CAPS2: variants seen among roughly 807,000 people sequenced by gnomAD.
The protein encoded by CAPS2 is calcyphosine 2, also known as calcyphosin-2.
In CAPS2, 98 loss-of-function variants were observed where a neutral mutation model predicts 86.5. The ratio of observed to expected loss-of-function variants is 1.13; its 90% CI spans 0.96 to 1.34. The LOEUF (loss-of-function observed/expected upper bound fraction) is 1.34, where lower values mean the gene tolerates loss of function less well. CAPS2 is among the 40% of genes most tolerant of loss of function. The pLI, the probability that CAPS2 is intolerant of heterozygous loss-of-function variation, is 0.00. For missense variants in CAPS2, 729 were observed against 686.8 expected (o/e 1.06, Z -0.69); for synonymous variants, 210 against 225.1 (o/e 0.93, Z 0.60).
chr12:75,330,105 T>C, upstream of CAPS2: 1 of 379,878 alleles, frequency 2.6e-6, no homozygotes, highest in Non-Finnish European at 4.7e-6. Flanking sequence ...CTGATTACAC[T>C]CTGACCTCCA....
intron 1 of CAPS2, among the ~76,000 whole-genome samples, chr12:75,353,434 G>A (rs1438069985): frequency 6.6e-6 from 1 of 152,132 alleles, no homozygotes; most frequent in East Asian, 1.9e-4. Flanking sequence ...GCCCTCCCAA[G>A]ACTGAACCAG....
chr12:75,294,292 A>G (rs922572464), intron 11 of CAPS2, among the ~76,000 whole-genome samples: 14 of 152,170 alleles, frequency 9.2e-5, no homozygotes, highest in African/African-American at 3.4e-4. Context: ...GTTGAATATA[A>G]AGGAAGGATG....
intron 1 of CAPS2, among the ~76,000 whole-genome samples, chr12:75,349,154 A>G (rs1593727094): frequency 6.6e-6 from 1 of 152,316 alleles, no homozygotes; most frequent in East Asian, 1.9e-4. Flanking sequence ...ACTTCAGGCC[A>G]GGTTAAGAAG....
intron 7 of CAPS2, chr12:75,305,806 G>C (rs1370574435): frequency 1.4e-6 from 1 of 735,796 alleles, no homozygotes; most frequent in Middle Eastern, 2.4e-4. Context: ...GCTACAATTA[G>C]TGATGGAGGG....
chr12:75,276,439 C>T (rs2032944941), downstream of CAPS2: 9 of 980,658 alleles, frequency 9.2e-6, no homozygotes, highest in Non-Finnish European at 1.1e-5. Flanking sequence ...ATATGATCTA[C>T]AGCTGTATCA....
rs943131485 is a variant in CAPS2 at position 75,316,464 on chromosome 12, A to G, written c.469-30T>C. 8.6e-6 allele frequency: 13 copies of G among 1,504,046 alleles called. No homozygotes were observed. In the Admixed American group the frequency reaches 3.0e-4, roughly 35 times the overall value. 93.2% of individuals were successfully genotyped at this position (1,504,046 alleles called of 1,614,324 possible). On this transcript the variant is annotated intron_variant, in intron 5 of 16. Transcript: ENST00000393284. Reference sequence around the variant, plus strand: ...GCATGAAAGAAATAAATGAAGCATCATACACATATTTAGAATGTTTGTTTT... The same window carrying G: ...GCATGAAAGAAATAAATGAAGCATCGTACACATATTTAGAATGTTTGTTTT...
At chr12:75,308,461 T>C (rs1021615071) in intron 7 of CAPS2, among the ~76,000 whole-genome samples, 1 of 152,166 alleles carries the variant, frequency 6.6e-6, no homozygotes, top group African/African-American at 2.4e-5. Context: ...CTGTGGAGTA[T>C]ACTTTCATTT....
chr12:75,349,833 GA>G (rs921565696), intron 1 of CAPS2, among the ~76,000 whole-genome samples: 2 of 151,916 alleles, frequency 1.3e-5, no homozygotes, highest in Non-Finnish European at 2.9e-5. Flanking sequence ...AAAAAGAAAA[GA>G]AAAAAATTAT....
chr12:75,352,599 C>T (rs2042888089), intron 1 of CAPS2, among the ~76,000 whole-genome samples: 1 of 152,168 alleles, frequency 6.6e-6, no homozygotes, highest in Non-Finnish European at 1.5e-5. Flanking sequence ...ATGACAGAGA[C>T]AGAATATTAA....
chr12:75,387,264 C>T (rs1428040582), intron 1 of CAPS2, among the ~76,000 whole-genome samples: 1 of 152,148 alleles, frequency 6.6e-6, no homozygotes, highest in Non-Finnish European at 1.5e-5. Context: ...TTAATGGACA[C>T]CTCACCAAAG....
At chr12:75,297,468 T>C (rs531142903) in intron 11 of CAPS2, among the ~76,000 whole-genome samples, 4 of 152,298 alleles carry the variant, frequency 2.6e-5, no homozygotes, top group African/African-American at 9.6e-5. Flanking sequence ...GCCAGAGTCA[T>C]TTGCTTATTC....
intron 10 of CAPS2, 29 bp downstream of exon 10, chr12:75,298,842 C>T (rs917312122): frequency 1.3e-6 from 2 of 1,589,620 alleles, no homozygotes; most frequent in Non-Finnish European, 1.7e-6. Flanking sequence ...TGAACATCTC[C>T]AGAGTTCTAA....
intron 8 of CAPS2, among the ~76,000 whole-genome samples, chr12:75,300,956 C>T (rs954454804): frequency 1.1e-4 from 16 of 152,248 alleles, no homozygotes; most frequent in African/African-American, 3.9e-4. Context: ...ACCAGAATAA[C>T]TAAAGAGTGG....
intron 7 of CAPS2, chr12:75,305,310 AG>A: frequency 3.8e-6 from 1 of 261,538 alleles, no homozygotes; most frequent in South Asian, 6.4e-5. Context: ...AGTTTATGAA[AG>A]GCATCCTAGA....
chr12:75,297,058 CTTTCTTTT>C (rs1212186630), intron 11 of CAPS2, among the ~76,000 whole-genome samples: 3 of 152,102 alleles, frequency 2.0e-5, no homozygotes, highest in Admixed American at 6.6e-5. Context: ...CTCTTTCTTT[CTTTCTTTT>C]TTTCTTTCTT....
intron 1 of CAPS2, among the ~76,000 whole-genome samples, chr12:75,378,745 C>T (rs1278006811): frequency 6.6e-6 from 1 of 152,130 alleles, no homozygotes; most frequent in Non-Finnish European, 1.5e-5. Context: ...ATTTTAATCA[C>T]ATCTAAAAAA....
chr12:75,276,235 C>G (rs367693630), downstream of CAPS2: 12 of 1,543,026 alleles, frequency 7.8e-6, no homozygotes, highest in Non-Finnish European at 1.1e-5. Flanking sequence ...CATGTTTGTC[C>G]TTGCTGGTCA....
intron 1 of CAPS2, among the ~76,000 whole-genome samples, chr12:75,349,813 A>T (rs2042685540): frequency 6.6e-6 from 1 of 152,208 alleles, no homozygotes; most frequent in African/African-American, 2.4e-5. Flanking sequence ...GCAAGACCCT[A>T]TCTCTTTAAA....
intron 1 of CAPS2, among the ~76,000 whole-genome samples, chr12:75,381,503 A>C (rs2044973668): frequency 6.6e-6 from 1 of 150,724 alleles, no homozygotes. Context: ...TGCAGGATGA[A>C]TATTTCAACT....
Sources: allele counts gnomAD v4.1 joint callset (sites outside exome capture counted in the v4.1 genomes callset), GRCh38; gene constraint gnomAD v4.1.1; transcripts MANE v1.5; gene names NCBI Gene and HGNC (gene_info 2026-07-23, HGNC 2026-07-21).